The following RPTOR variants were observed in gnomAD, a reference collection of about 807,000 sequenced individuals.
RPTOR encodes regulatory-associated protein of mTOR.
Under a neutral mutation model 169.9 loss-of-function variants are expected in RPTOR, and 21 were observed. That is an observed-to-expected ratio of 0.12 (90% confidence interval 0.09 to 0.18). The LOEUF is 0.18. Among genes scored for constraint, RPTOR ranks in the 10% least tolerant of loss-of-function variants. The pLI, the probability that RPTOR is intolerant of heterozygous loss-of-function variation, is 1.00. For missense variants in RPTOR, 1,133 were observed against 1,855.9 expected (o/e 0.61, Z 7.16); for synonymous variants, 732 against 753.2 (o/e 0.97, Z 0.46).
At chr17:80,954,724 C>G (rs1319351737) in intron 28 of RPTOR, among the ~76,000 whole-genome samples, 2 of 152,210 alleles carry the variant, frequency 1.3e-5, no homozygotes, top group Non-Finnish European at 2.9e-5. Flanking sequence ...CAAGACCAGC[C>G]TGACCAACAT....
At chr17:80,719,781 C>G (rs1326460057) in intron 4 of RPTOR, among the ~76,000 whole-genome samples, 1 of 152,132 alleles carries the variant, frequency 6.6e-6, no homozygotes, top group Non-Finnish European at 1.5e-5. Context: ...CCAGTAAACC[C>G]CAGTCCCGTA....
At chr17:80,650,609 C>G (rs145168340) in intron 3 of RPTOR, among the ~76,000 whole-genome samples, 1 of 152,322 alleles carries the variant, frequency 6.6e-6, no homozygotes, top group East Asian at 1.9e-4. Flanking sequence ...ACTATTTAAA[C>G]TTTTAAAATT....
intron 3 of RPTOR, among the ~76,000 whole-genome samples, chr17:80,662,778 T>G (rs553165895): frequency 2.0e-5 from 3 of 152,126 alleles, no homozygotes; most frequent in Non-Finnish European, 2.9e-5. Context: ...TTCAGGCCCC[T>G]CACATAATCC....
At chr17:80,580,816 C>T (rs896022392) in intron 1 of RPTOR, among the ~76,000 whole-genome samples, 6 of 152,044 alleles carry the variant, frequency 3.9e-5, no homozygotes, top group African/African-American at 1.2e-4. Flanking sequence ...TTTGTAGATA[C>T]GGGGTCTCCC....
Position 80,814,332 on chromosome 17 carries a change from C to T in RPTOR, c.891-7869C>T, listed in dbSNP as rs75050778. ...AAATCATCCATTTTCTCCAGCATGCCGGGATAACCATTATTAACACTTTGT... is the reference window on the plus strand; with the variant it reads ...AAATCATCCATTTTCTCCAGCATGCTGGGATAACCATTATTAACACTTTGT... On this transcript the variant is annotated intron_variant, in intron 7 of 33. Coordinates refer to ENST00000306801, the MANE Select transcript of RPTOR (RefSeq NM_020761.3). Among the ~76,000 whole-genome samples, 240 of 152,168 alleles carry T rather than the reference C, an allele frequency of 1.6e-3. 1 individual carries two copies. In the East Asian group the frequency reaches 0.032, roughly 20 times the overall value.
At chr17:80,900,657 C>T (rs868157723) in intron 20 of RPTOR, among the ~76,000 whole-genome samples, 4 of 152,236 alleles carry the variant, frequency 2.6e-5, no homozygotes, top group African/African-American at 9.6e-5. Context: ...CATCACCCCT[C>T]GGTGCTCACC....
At chr17:80,875,735 G>A (rs557287414) in intron 13 of RPTOR, among the ~76,000 whole-genome samples, 35 of 133,972 alleles carry the variant, frequency 2.6e-4, no homozygotes, top group African/African-American at 1.0e-3. Flanking sequence ...CCCGTGCCAC[G>A]CAGGGTGTGT....
chr17:80,675,627 G>T (rs924335251), intron 3 of RPTOR, among the ~76,000 whole-genome samples: 2 of 152,134 alleles, frequency 1.3e-5, no homozygotes, highest in African/African-American at 4.8e-5. Context: ...TGACTGCAAC[G>T]CCCCACTCCA....
intron 3 of RPTOR, among the ~76,000 whole-genome samples, chr17:80,650,478 T>C (rs534377162): frequency 1.0e-3 from 152 of 152,178 alleles, no homozygotes; most frequent in African/African-American, 3.4e-3. Flanking sequence ...CCCTGGGAAA[T>C]GTGGTCTCCT....
rs546878768 is a variant in RPTOR at position 80,964,428 on chromosome 17, T to C, written c.*98T>C. 7.4e-6 allele frequency: 9 copies of C among 1,214,294 alleles called. No homozygotes were observed. Among genetic ancestry groups the C allele is most frequent in the Admixed American group, 5.2e-5 (3 of 57,286 alleles). The allele number at this position is 1,214,294 out of a possible 1,614,324, so 75.2% of individuals were successfully genotyped here. On this transcript the variant is annotated 3_prime_UTR_variant, in exon 34 of 34. Coordinates refer to ENST00000306801, the MANE Select transcript of RPTOR (RefSeq NM_020761.3). The stretch of plus-strand genomic sequence containing the variant: ...GGCGTCGGCTGCTGCGGCCCCGCAG[T>C]GTGAACGTTGGCTGCTGCCTTAGCT...
At chr17:80,930,012 C>T (rs368305454) in intron 24 of RPTOR, among the ~76,000 whole-genome samples, 4 of 149,356 alleles carry the variant, frequency 2.7e-5, no homozygotes, top group African/African-American at 4.9e-5. Context: ...GGCTCATCCT[C>T]AGCTCATCCC....
At chr17:80,581,759 C>T (rs1364883632) in intron 1 of RPTOR, among the ~76,000 whole-genome samples, 1 of 152,018 alleles carries the variant, frequency 6.6e-6, no homozygotes, top group Non-Finnish European at 1.5e-5. Flanking sequence ...GCAGTGGATA[C>T]TGCACATCGG....
intron 1 of RPTOR, among the ~76,000 whole-genome samples, chr17:80,564,362 T>C (rs146343289): frequency 3.3e-5 from 5 of 152,290 alleles, no homozygotes; most frequent in African/African-American, 1.2e-4. Context: ...TTTGGGAACA[T>C]GTATCTAATA....
chr17:80,858,390 C>A (rs1481756526), intron 13 of RPTOR, among the ~76,000 whole-genome samples: 1 of 152,272 alleles, frequency 6.6e-6, no homozygotes, highest in Non-Finnish European at 1.5e-5. Flanking sequence ...AGGGGCCACC[C>A]CCTTACACGG....
At chr17:80,944,726 C>A (rs2069077007) in intron 25 of RPTOR, among the ~76,000 whole-genome samples, 1 of 152,198 alleles carries the variant, frequency 6.6e-6, no homozygotes, top group Non-Finnish European at 1.5e-5. Flanking sequence ...CATGGTGGCT[C>A]ACTTCTGTAA....
At chr17:80,611,591 T>C (rs996164046) in intron 1 of RPTOR, among the ~76,000 whole-genome samples, 4 of 152,096 alleles carry the variant, frequency 2.6e-5, no homozygotes, top group Non-Finnish European at 5.9e-5. Context: ...ATTTTCTTCC[T>C]GAATACTCCT....
At chr17:80,549,424 C>T (rs979769386) in intron 1 of RPTOR, among the ~76,000 whole-genome samples, 5 of 152,130 alleles carry the variant, frequency 3.3e-5, no homozygotes, top group Non-Finnish European at 4.4e-5. Flanking sequence ...ATTCTCCTGC[C>T]GCAGCCTCCC....
intron 3 of RPTOR, among the ~76,000 whole-genome samples, chr17:80,674,787 CAAA>C (rs9319608): frequency 0.033 from 2,983 of 89,568 alleles, 55 homozygotes; most frequent in East Asian, 0.05. Flanking sequence ...GACTCTGTCT[CAAA>C]AAAAAAAAAA....
chr17:80,940,623 G>C, intron 25 of RPTOR, 22 bp downstream of exon 25: 1 of 1,584,056 alleles, frequency 6.3e-7, no homozygotes, highest in Non-Finnish European at 8.6e-7. Flanking sequence ...CGCACAGCCA[G>C]CCAGGGGCTC....
Sources: allele counts gnomAD v4.1 joint callset (sites outside exome capture counted in the v4.1 genomes callset), GRCh38; gene constraint gnomAD v4.1.1; transcripts MANE v1.5; gene names NCBI Gene and HGNC (gene_info 2026-07-23, HGNC 2026-07-21).